RORA: variants seen among roughly 807,000 people sequenced by gnomAD.
RORA encodes the protein RAR related orphan receptor A.
A neutral mutation model predicts 69.5 loss-of-function variants in RORA; 7 were observed. The ratio of observed to expected loss-of-function variants is 0.10; its 90% CI spans 0.06 to 0.19. RORA has a LOEUF of 0.19. Ranked by LOEUF, RORA falls within the 10% of genes least tolerant of loss-of-function variation. The pLI, the probability that RORA is intolerant of heterozygous loss-of-function variation, is 1.00. For missense variants in RORA, 457 were observed against 663.0 expected, an observed-to-expected ratio of 0.69 and a Z score of 3.41; for synonymous variants, 261 against 240.8, an observed-to-expected ratio of 1.08 and a Z score of -0.78.
At chr15:60,624,860 A>T (rs2069530000) in intron 2 of RORA, among the ~76,000 whole-genome samples, 1 of 152,122 alleles carries the variant, frequency 6.6e-6, no homozygotes, top group African/African-American at 2.4e-5. Context: ...AGCTCTGTAA[A>T]TACTGAGCAT....
At chr15:60,746,445 C>A (rs765191380) in intron 1 of RORA, among the ~76,000 whole-genome samples, 1 of 151,900 alleles carries the variant, frequency 6.6e-6, no homozygotes, top group Non-Finnish European at 1.5e-5. Flanking sequence ...GGTTTATGAG[C>A]CCTGAGATTC....
intron 2 of RORA, among the ~76,000 whole-genome samples, chr15:60,561,064 TTTTTTTGTTTTG>T (rs1260951914): frequency 1.7e-4 from 23 of 139,376 alleles, no homozygotes; most frequent in African/African-American, 6.1e-4. Context: ...GTGTTTTTTT[TTTTTTTGTTTTG>T]TTTTTGTTTT....
chr15:61,186,241 G>C (rs1338966896), intron 1 of RORA, among the ~76,000 whole-genome samples: 1 of 152,064 alleles, frequency 6.6e-6, no homozygotes, highest in Non-Finnish European at 1.5e-5. Flanking sequence ...AGACATGCTG[G>C]TTAAGTGACT....
At chr15:60,651,961 C>T in intron 2 of RORA, among the ~76,000 whole-genome samples, 1 of 152,186 alleles carries the variant, frequency 6.6e-6, no homozygotes, top group Non-Finnish European at 1.5e-5. Context: ...ACCACAGGGG[C>T]CTGGCTTAAG....
intron 2 of RORA, among the ~76,000 whole-genome samples, chr15:60,550,399 A>G (rs370405710): frequency 2.4e-4 from 36 of 152,352 alleles, no homozygotes; most frequent in African/African-American, 8.2e-4. Flanking sequence ...AAACACATTC[A>G]TCTCAAAAAA....
Position 61,147,588 on chromosome 15 carries a change from G to A in RORA, c.166+81465C>T, listed in dbSNP as rs2079360815. On this transcript the variant is annotated intron_variant, in intron 1 of 10. Transcript: ENST00000335670. This position sits in a 1 kb window ranked among gnomAD's most constrained non-coding sequence, Gnocchi z 4.1. ...AAATTATTTGAGGAGAAAGTTAGCTGTCCATCAGTAACTTCTTCCGCTAGA... is the reference window on the plus strand; with the variant it reads ...AAATTATTTGAGGAGAAAGTTAGCTATCCATCAGTAACTTCTTCCGCTAGA... 6.6e-6 allele frequency among the ~76,000 whole-genome samples: 1 copy of A among 152,224 alleles called. No homozygotes were observed. Among genetic ancestry groups the A allele is most frequent in the African/African-American group, 2.4e-5 (1 of 41,456 alleles).
intron 1 of RORA, among the ~76,000 whole-genome samples, chr15:61,027,006 C>CAA (rs60196048): frequency 5.8e-4 from 77 of 133,346 alleles, no homozygotes; most frequent in African/African-American, 1.4e-3. Context: ...TCCTGGCCTG[C>CAA]AAAAAAAAAA....
At chr15:60,949,715 C>T (rs1893023200) in intron 1 of RORA, among the ~76,000 whole-genome samples, 2 of 152,246 alleles carry the variant, frequency 1.3e-5, no homozygotes, top group African/African-American at 4.8e-5. Flanking sequence ...GGTGTTGACA[C>T]ACTCCCACAT....
intron 1 of RORA, among the ~76,000 whole-genome samples, chr15:60,941,589 C>T (rs1260628247): frequency 3.9e-5 from 6 of 152,226 alleles, no homozygotes; most frequent in Non-Finnish European, 8.8e-5. Flanking sequence ...TTCTATGATG[C>T]TTTCACCCAG....
Position 60,492,014 on chromosome 15 carries a change from G to A in RORA, c.*5441C>T, listed in dbSNP as rs1268954232. 1.4e-4 allele frequency: 1 copy of A among 7,138 alleles called. No homozygotes were observed. The highest frequency in any genetic ancestry group is 0.1 in the East Asian group (1 of 10). The allele number at this position is 7,138 out of a possible 1,614,324, so 0.4% of individuals were successfully genotyped here. On this transcript the variant is annotated 3_prime_UTR_variant, in exon 11 of 11. Transcript: ENST00000335670. Reference sequence around the variant, plus strand: ...ATAAGAAGTGGCAATCACATGTTATGTAAAAATGTCAACGTGTGTGTGTAT... The same window carrying A: ...ATAAGAAGTGGCAATCACATGTTATATAAAAATGTCAACGTGTGTGTGTAT...
intron 1 of RORA, among the ~76,000 whole-genome samples, chr15:60,844,144 C>G (rs2073235767): frequency 6.6e-6 from 1 of 152,150 alleles, no homozygotes; most frequent in Admixed American, 6.5e-5. Context: ...CTTGTCTTCC[C>G]AGAGAACTCT....
chr15:61,167,822 T>C (rs925908282), intron 1 of RORA, among the ~76,000 whole-genome samples: 1 of 152,104 alleles, frequency 6.6e-6, no homozygotes, highest in Non-Finnish European at 1.5e-5. Context: ...TCCAAGGTGG[T>C]CCCACCCCAC....
chr15:60,948,093 G>A (rs149978149), intron 1 of RORA, among the ~76,000 whole-genome samples: 1,576 of 152,276 alleles, frequency 0.01, 35 homozygotes, highest in African/African-American at 0.037. Flanking sequence ...AGTGAAGACG[G>A]CTAAGACAAC....
chr15:60,558,160 G>T lies in RORA; in HGVS notation c.197-26309C>A. On this transcript the variant is annotated intron_variant, in intron 2 of 10. Coordinates refer to ENST00000335670, the MANE Select transcript of RORA (RefSeq NM_134261.3). ...CCGGGGGAAAGGGAGGCAAACACAA[G>T]ACTGGGCCACATCTCCATGGTCTCT... 4 of 1,192,100 alleles carry T rather than the reference G, an allele frequency of 3.4e-6. No individual in the cohort carries two copies. In the East Asian group the frequency reaches 7.2e-5, roughly 21 times the overall value. The allele number at this position is 1,192,100 out of a possible 1,614,324, so 73.8% of individuals were successfully genotyped here.
At chr15:61,055,484 T>C (rs2140518785) in intron 1 of RORA, among the ~76,000 whole-genome samples, 1 of 152,318 alleles carries the variant, frequency 6.6e-6, no homozygotes, top group South Asian at 2.1e-4. Flanking sequence ...ATCTCACTTC[T>C]CTACCGTCTC....
intron 1 of RORA, among the ~76,000 whole-genome samples, chr15:61,107,286 C>T (rs2078961089): frequency 6.6e-6 from 1 of 152,128 alleles, no homozygotes; most frequent in Non-Finnish European, 1.5e-5. Flanking sequence ...CAAGTAAGAC[C>T]ATCTAAGAAT....
At chr15:60,651,646 G>T (rs9806453) in intron 2 of RORA, among the ~76,000 whole-genome samples, 57,737 of 151,736 alleles carry the variant, frequency 0.38, 11,167 homozygotes, top group East Asian at 0.5. Flanking sequence ...TACCAAAAAG[G>T]CTTCCACTCC....
chr15:61,207,121 C>CAT (rs1054541631), intron 1 of RORA, among the ~76,000 whole-genome samples: 4 of 151,862 alleles, frequency 2.6e-5, no homozygotes, highest in African/African-American at 9.7e-5. Context: ...CATATGTATA[C>CAT]ATATATACAC....
intron 1 of RORA, among the ~76,000 whole-genome samples, chr15:61,154,811 C>CA (rs1311998299): frequency 2.0e-5 from 3 of 151,928 alleles, no homozygotes; most frequent in Admixed American, 6.6e-5. Flanking sequence ...GCAGTTGTGG[C>CA]AAAAAATACA....
Sources: gnomAD v4.1 joint callset for allele counts (sites outside exome capture counted in the v4.1 genomes callset) on GRCh38, gnomAD v4.1.1 for gene constraint, Gnocchi (gnomAD v3.1) non-coding constraint, MANE v1.5 for transcripts, NCBI Gene and HGNC (gene_info 2026-07-23, HGNC 2026-07-21) for gene names.